Variants in DPP10 observed in about 807,000 individuals in gnomAD.
DPP10 encodes the protein dipeptidyl peptidase like 10.
DPP10 carries 33 observed loss-of-function variants against 120.9 expected under a neutral mutation model. The observed-to-expected ratio is 0.27, with a 90% CI of 0.21 to 0.37. The LOEUF (loss-of-function observed/expected upper bound fraction) is 0.37, where lower values mean the gene tolerates loss of function less well. Ranked by LOEUF, DPP10 falls within the 10% of genes least tolerant of loss-of-function variation. The pLI, the probability that DPP10 is intolerant of heterozygous loss-of-function variation, is 1.00. For missense variants in DPP10, 816 were observed against 942.8 expected, an observed-to-expected ratio of 0.87 and a Z score of 1.76; for synonymous variants, 337 against 326.1, an observed-to-expected ratio of 1.03 and a Z score of -0.36.
chr2:114,688,406 A>G (rs1466345312), intron 1 of DPP10, among the ~76,000 whole-genome samples: 3 of 151,908 alleles, frequency 2.0e-5, no homozygotes, highest in African/African-American at 7.2e-5. Flanking sequence ...TGCCTTGTAC[A>G]GTGACTCAGG....
At chr2:115,776,381 G>A (rs1682097791) in intron 13 of DPP10, among the ~76,000 whole-genome samples, 3 of 152,148 alleles carry the variant, frequency 2.0e-5, no homozygotes, top group African/African-American at 4.8e-5. Flanking sequence ...TTCTGTTCTT[G>A]TGTTACTTTG....
At chr2:115,205,561 A>G (rs2056063765) in intron 1 of DPP10, among the ~76,000 whole-genome samples, 1 of 152,176 alleles carries the variant, frequency 6.6e-6, no homozygotes, top group African/African-American at 2.4e-5. Flanking sequence ...TGCTCTACCA[A>G]AAAGACACGT....
intron 1 of DPP10, among the ~76,000 whole-genome samples, chr2:115,253,450 A>G (rs1367195841): frequency 6.6e-6 from 1 of 152,122 alleles, no homozygotes; most frequent in Non-Finnish European, 1.5e-5. Context: ...CAAAAGTCCT[A>G]AGTCCAAAGT....
At chr2:114,643,063 AT>A (rs990632989) in intron 1 of DPP10, among the ~76,000 whole-genome samples, 47 of 151,826 alleles carry the variant, frequency 3.1e-4, no homozygotes, top group South Asian at 1.5e-3. Flanking sequence ...ACTCAAACAA[AT>A]TTTTTTTCAG....
At chr2:115,604,598 G>A (rs6542275) in intron 5 of DPP10, among the ~76,000 whole-genome samples, 150,475 of 152,272 alleles carry the variant, frequency 0.99, 74,375 homozygotes, top group East Asian at 1. Context: ...CTGTCACTCA[G>A]ATTTACCCTA....
At chr2:114,856,620 A>G (rs1244507686) in intron 1 of DPP10, among the ~76,000 whole-genome samples, 1 of 152,234 alleles carries the variant, frequency 6.6e-6, no homozygotes, top group Non-Finnish European at 1.5e-5. Context: ...GAAAGAAACT[A>G]AATACAAAAT....
At chr2:115,645,702 A>G (rs2087187764) in intron 5 of DPP10, among the ~76,000 whole-genome samples, 1 of 152,210 alleles carries the variant, frequency 6.6e-6, no homozygotes, top group South Asian at 2.1e-4. Flanking sequence ...AAACAAAACC[A>G]TTAAGTTCTT....
At chr2:115,571,396 A>C (rs2149090611) in intron 5 of DPP10, among the ~76,000 whole-genome samples, 1 of 152,232 alleles carries the variant, frequency 6.6e-6, no homozygotes, top group South Asian at 2.1e-4. Flanking sequence ...TCCCCCATAT[A>C]GTAGTCACCA....
chr2:115,802,172 G>A (rs565766251), intron 19 of DPP10, among the ~76,000 whole-genome samples: 1 of 152,310 alleles, frequency 6.6e-6, no homozygotes, highest in South Asian at 2.1e-4. Context: ...GATAGTGTAT[G>A]TGTCGAGGAA....
intron 1 of DPP10, among the ~76,000 whole-genome samples, chr2:115,240,493 C>T (rs1015145966): frequency 3.3e-5 from 5 of 151,966 alleles, no homozygotes; most frequent in Non-Finnish European, 7.4e-5. Context: ...TTTGTAGATT[C>T]TGGATATTAG....
At chr2:115,712,245 G>A (rs983168856) in intron 7 of DPP10, among the ~76,000 whole-genome samples, 2 of 150,706 alleles carry the variant, frequency 1.3e-5, no homozygotes, top group Non-Finnish European at 3.0e-5. Context: ...TAAGGAGCAT[G>A]CCACCTAGAT....
chr2:115,064,058 T>C (rs1706640370), intron 1 of DPP10, among the ~76,000 whole-genome samples: 2 of 152,194 alleles, frequency 1.3e-5, no homozygotes, highest in African/African-American at 2.4e-5. Context: ...TTATACTTTA[T>C]ATTGTCGAAT....
intron 1 of DPP10, among the ~76,000 whole-genome samples, chr2:114,630,594 C>G (rs1379540141): frequency 1.3e-5 from 2 of 152,112 alleles, no homozygotes; most frequent in African/African-American, 2.4e-5. Context: ...AAGAGAATAG[C>G]TGCCAACCAC....
chr2:115,636,144 G>A (rs1238433632), intron 5 of DPP10, among the ~76,000 whole-genome samples: 6 of 144,058 alleles, frequency 4.2e-5, no homozygotes, highest in African/African-American at 1.5e-4. Context: ...CAGTCTAATC[G>A]CAAAAAAAAA....
At chr2:115,479,776 T>G (rs1371637824) in intron 3 of DPP10, among the ~76,000 whole-genome samples, 1 of 152,040 alleles carries the variant, frequency 6.6e-6, no homozygotes. Context: ...TTTGCTGAGG[T>G]TCGAAGTTGG....
intron 1 of DPP10, among the ~76,000 whole-genome samples, chr2:114,807,033 C>T (rs988555333): frequency 2.6e-5 from 4 of 152,168 alleles, no homozygotes; most frequent in Non-Finnish European, 5.9e-5. Flanking sequence ...ATTTTTTACC[C>T]AGCAGACAGA....
intron 1 of DPP10, among the ~76,000 whole-genome samples, chr2:114,881,610 A>ATCTC (rs1691647727): frequency 1.3e-5 from 2 of 150,464 alleles, no homozygotes; most frequent in African/African-American, 5.0e-5. Context: ...CTATCTATCT[A>ATCTC]TCTATCTATC....
At chr2:115,699,812 A>G (rs1336619693) in intron 7 of DPP10, among the ~76,000 whole-genome samples, 2 of 152,240 alleles carry the variant, frequency 1.3e-5, no homozygotes, top group Non-Finnish European at 2.9e-5. Flanking sequence ...TCAACTGTGT[A>G]AAAGATTATA....
intron 1 of DPP10, among the ~76,000 whole-genome samples, chr2:115,186,026 G>A (rs1453956322): frequency 6.6e-6 from 1 of 152,200 alleles, no homozygotes; most frequent in Non-Finnish European, 1.5e-5. Context: ...TGTTGTGTTA[G>A]ACATGAGTTT....
Sources: allele counts gnomAD v4.1 joint callset (sites outside exome capture counted in the v4.1 genomes callset), GRCh38; gene constraint gnomAD v4.1.1; transcripts MANE v1.5; gene names NCBI Gene and HGNC (gene_info 2026-07-23, HGNC 2026-07-21).